The following KDM7A variants were observed in gnomAD, a reference collection of about 807,000 sequenced individuals.
KDM7A encodes the protein lysine-specific demethylase 7A.
KDM7A carries 28 observed loss-of-function variants against 114.8 expected under a neutral mutation model. The observed-to-expected ratio is 0.24, with a 90% CI of 0.18 to 0.33. KDM7A has a LOEUF of 0.33. KDM7A is among the 10% of genes least tolerant of loss of function. KDM7A has a pLI of 1.00. For synonymous variants in KDM7A, 423 were observed against 397.8 expected, an observed-to-expected ratio of 1.06 and a Z score of -0.75; for missense variants, 942 against 1,142.5, an observed-to-expected ratio of 0.82 and a Z score of 2.53.
chr7:140,091,124 G>A lies in KDM7A; in HGVS notation c.2796C>T (p.Asn932=). ...CAAAGAAACGTGCATGGCCATTTCT[G>A]TTCAACTTAAGGATCTTCCCAAGAC... ...KQRLGKILKL[N]RNGHARFFV Residue 932 remains asparagine, a synonymous_variant, in exon 20 of 20, where the codon AAC becomes AAT. Transcript: ENST00000397560. 1 of 1,614,072 alleles carries A rather than the reference G, an allele frequency of 6.2e-7. No homozygotes were observed. Among genetic ancestry groups the A allele is most frequent in the Non-Finnish European group, 8.5e-7 (1 of 1,179,882 alleles).
chr7:140,103,773 G>A lies in KDM7A; in HGVS notation c.1429-1613C>T, dbSNP rs151153358. On this transcript the variant is annotated intron_variant, in intron 11 of 19. Transcript: ENST00000397560. ...GTGAATAGTGCCACAATAAACATAC[G>A]TGTGCATGTGTCTTTATAGCAGCAT... is the stretch of plus-strand genomic sequence containing the variant. Among the ~76,000 whole-genome samples the A allele has an allele frequency of 4.3e-3, 660 of 152,266 alleles. 9 individuals are homozygous for A. Among genetic ancestry groups the A allele is most frequent in the African/African-American group, 0.015 (612 of 41,534 alleles).
At chr7:140,099,185 T>G in intron 13 of KDM7A, 152 bp from the exon 14 acceptor site, 1 of 676,082 alleles carries the variant, frequency 1.5e-6, no homozygotes. Context: ...GCTAGGGATC[T>G]GAGGTTCGTT....
intron 1 of KDM7A, among the ~76,000 whole-genome samples, chr7:140,140,373 A>T (rs1416548255): frequency 2.0e-5 from 3 of 152,246 alleles, no homozygotes; most frequent in Non-Finnish European, 4.4e-5. Context: ...TTTGATTAAA[A>T]AGTAAATAAC....
At chr7:140,116,006 A>G (rs1279238125) in intron 9 of KDM7A, among the ~76,000 whole-genome samples, 1 of 152,146 alleles carries the variant, frequency 6.6e-6, no homozygotes, top group Non-Finnish European at 1.5e-5. Context: ...GAGATTTGCA[A>G]AAATTATAAC....
At chr7:140,100,689 CATATATATATATATATATACACATATAT>C (rs1818194455) in intron 12 of KDM7A, among the ~76,000 whole-genome samples, 2 of 54,008 alleles carry the variant, frequency 3.7e-5, no homozygotes, top group South Asian at 6.0e-4. Flanking sequence ...TACATATATA[CATATATATATATATATATACACATATAT>C]ATATATATAT....
At chr7:140,100,153 G>C in intron 12 of KDM7A, 130 bp from the exon 13 acceptor site, 1 of 886,660 alleles carries the variant, frequency 1.1e-6, no homozygotes, top group Non-Finnish European at 1.8e-6. Context: ...ACCTGGGCTT[G>C]GGGATATGCA....
In KDM7A at chr7:140,135,003, C is replaced by G. The variant is rs527788370; in HGVS notation, c.281-1347G>C. 4.7e-5 allele frequency among the ~76,000 whole-genome samples: 7 copies of G among 149,400 alleles called. No individual in the cohort carries two copies. The South Asian group carries it at 1.5e-3, about 32-fold the overall frequency. Reference sequence around the variant, plus strand: ...AAGATTCCCAAGTAACTTATGGCAGCCAAATCTTCAATATGGAAGAGCGTA... The same window carrying G: ...AAGATTCCCAAGTAACTTATGGCAGGCAAATCTTCAATATGGAAGAGCGTA... On this transcript the variant is annotated intron_variant, in intron 2 of 19. Transcript: ENST00000397560.
intron 6 of KDM7A, 127 bp downstream of exon 6, chr7:140,126,509 TA>T: frequency 2.2e-6 from 1 of 464,340 alleles, no homozygotes. Flanking sequence ...AGTTCCTGGT[TA>T]AAAAGTAAAA....
chr7:140,111,927 A>G (rs1818440591), intron 10 of KDM7A, among the ~76,000 whole-genome samples: 1 of 151,754 alleles, frequency 6.6e-6, no homozygotes, highest in African/African-American at 2.4e-5. Context: ...TCTGCACAAC[A>G]GAGTGAGACT....
chr7:140,150,601 T>C (rs1794388747), intron 1 of KDM7A, among the ~76,000 whole-genome samples: 1 of 152,150 alleles, frequency 6.6e-6, no homozygotes, highest in Non-Finnish European at 1.5e-5. Context: ...AAGGTATATG[T>C]CTGGAAGGGC....
chr7:140,126,080 T>C (rs560549540), intron 6 of KDM7A, among the ~76,000 whole-genome samples: 4 of 152,260 alleles, frequency 2.6e-5, no homozygotes, highest in African/African-American at 9.6e-5. Context: ...AATGTTTTTA[T>C]TTTTATTTTT....
chr7:140,151,250 A>G (rs1011362106), intron 1 of KDM7A, among the ~76,000 whole-genome samples: 1 of 152,176 alleles, frequency 6.6e-6, no homozygotes, highest in African/African-American at 2.4e-5. Flanking sequence ...TGCGACACCA[A>G]ATTTTCATAG....
rs1159138016 is a variant in KDM7A at position 140,096,940 on chromosome 7, T to C, written c.2124A>G (p.Gln708=). ...CACTTCTAGATGGCTTCTGGCTCTT[T>C]TGAAGGAAGTTCCTCATCACATTAG... ...EESNVMRNFL[Q]KSQKPSRSEI... Residue 708 remains glutamine (Q), a synonymous_variant, in exon 16 of 20, where the codon CAA becomes CAG. Transcript: ENST00000397560. 1 of 1,613,932 alleles carries C rather than the reference T, an allele frequency of 6.2e-7. No homozygotes were observed. The highest frequency in any genetic ancestry group is 1.7e-5 in the Admixed American group (1 of 60,012).
At chr7:140,092,404 T>C (rs147679471) in intron 18 of KDM7A, among the ~76,000 whole-genome samples, 37 of 152,304 alleles carry the variant, frequency 2.4e-4, no homozygotes, top group Non-Finnish European at 4.7e-4. Flanking sequence ...AATGGATCGA[T>C]CTCCCACTTC....
chr7:140,121,966 G>A (rs1818623957), intron 7 of KDM7A, among the ~76,000 whole-genome samples: 1 of 152,084 alleles, frequency 6.6e-6, no homozygotes, highest in Non-Finnish European at 1.5e-5. Context: ...TCCAAATATG[G>A]TCCCCATACC....
intron 9 of KDM7A, among the ~76,000 whole-genome samples, chr7:140,115,090 G>GCCCCCGCCCGGCCAGCCAC (rs1818502771): frequency 6.6e-6 from 1 of 150,742 alleles, no homozygotes; most frequent in Non-Finnish European, 1.5e-5. Flanking sequence ...GTGGGGGGCA[G>GCCCCCGCCCGGCCAGCCAC]CCCCCGCCCG....
At chr7:140,132,626 G>A (rs1232575958) in intron 3 of KDM7A, among the ~76,000 whole-genome samples, 1 of 152,132 alleles carries the variant, frequency 6.6e-6, no homozygotes, top group Non-Finnish European at 1.5e-5. Flanking sequence ...GAATATTTGC[G>A]AATAGGGTAT....
chr7:140,162,617 C>T (rs1316377428), intron 1 of KDM7A, among the ~76,000 whole-genome samples: 1 of 152,024 alleles, frequency 6.6e-6, no homozygotes, highest in Non-Finnish European at 1.5e-5. Context: ...GCTCAAACTT[C>T]TATTTCATTA....
At chr7:140,103,758 C>T (rs1397115055) in intron 11 of KDM7A, among the ~76,000 whole-genome samples, 1 of 152,124 alleles carries the variant, frequency 6.6e-6, no homozygotes, top group Non-Finnish European at 1.5e-5. Flanking sequence ...GTGAATAGTG[C>T]CACAATAAAC....
Sources: gnomAD v4.1 joint callset for allele counts (sites outside exome capture counted in the v4.1 genomes callset) on GRCh38, gnomAD v4.1.1 for gene constraint, MANE v1.5 for transcripts, NCBI Gene and HGNC (gene_info 2026-07-23, HGNC 2026-07-21) for gene names.